AMBRA1: variants seen among roughly 807,000 people sequenced by gnomAD.
AMBRA1 encodes autophagy and beclin 1 regulator 1.
AMBRA1 carries 47 observed loss-of-function variants against 125.4 expected under a neutral mutation model. That is an observed-to-expected ratio of 0.37 (90% CI 0.30 to 0.48). The LOEUF (loss-of-function observed/expected upper bound fraction) is 0.48. AMBRA1 is among the 20% of genes least tolerant of loss of function. AMBRA1 has a pLI of 0.99. For synonymous variants in AMBRA1, 626 were observed against 655.5 expected (o/e 0.95, Z 0.69); for missense variants, 1,331 against 1,693.4 (o/e 0.79, Z 3.76).
At chr11:46,552,600 A>C (rs1364076652) in intron 1 of AMBRA1, among the ~76,000 whole-genome samples, 3 of 149,840 alleles carry the variant, frequency 2.0e-5, no homozygotes, top group African/African-American at 4.9e-5. Context: ...CGGGAGAATC[A>C]CTTGAACCCG....
intron 5 of AMBRA1, among the ~76,000 whole-genome samples, chr11:46,545,234 C>T (rs1183652546): frequency 1.5e-5 from 2 of 133,428 alleles, no homozygotes; most frequent in Admixed American, 8.3e-5. Context: ...CTGAGGTGGG[C>T]GGATCACTTA....
intron 7 of AMBRA1, among the ~76,000 whole-genome samples, chr11:46,513,648 C>T (rs968375597): frequency 5.9e-5 from 9 of 152,146 alleles, no homozygotes; most frequent in African/African-American, 2.2e-4. Context: ...TCCAAAATGC[C>T]TCAAATCTCT....
intron 17 of AMBRA1, among the ~76,000 whole-genome samples, chr11:46,407,995 G>A (rs528686906): frequency 6.6e-6 from 1 of 152,292 alleles, no homozygotes; most frequent in Non-Finnish European, 1.5e-5. Flanking sequence ...AGTCAGGGCC[G>A]AGTGTGGCAG....
intron 7 of AMBRA1, among the ~76,000 whole-genome samples, chr11:46,521,699 G>A (rs926194365): frequency 1.3e-5 from 2 of 152,196 alleles, no homozygotes; most frequent in Admixed American, 6.5e-5. Context: ...GTTATCCAAC[G>A]ATAGGCATTC....
intron 11 of AMBRA1, among the ~76,000 whole-genome samples, chr11:46,449,585 C>T (rs1448050862): frequency 2.0e-5 from 3 of 152,288 alleles, no homozygotes; most frequent in Non-Finnish European, 4.4e-5. Flanking sequence ...AGTACTGTTA[C>T]AATGTCAATT....
chr11:46,540,101 G>A (rs529543909), intron 7 of AMBRA1, among the ~76,000 whole-genome samples: 8 of 152,250 alleles, frequency 5.3e-5, no homozygotes, highest in African/African-American at 1.9e-4. Flanking sequence ...CAAAGTTCTT[G>A]GATGACAGGC....
chr11:46,454,903 G>A (rs1948784958), intron 11 of AMBRA1, among the ~76,000 whole-genome samples: 1 of 143,810 alleles, frequency 7.0e-6, no homozygotes, highest in African/African-American at 2.6e-5. Flanking sequence ...AGATGGAGAT[G>A]GGTTCTTGCT....
chr11:46,518,429 C>CAAAAAAAAAA (rs761919668), intron 7 of AMBRA1: 2 of 58,362 alleles, frequency 3.4e-5, no homozygotes, highest in African/African-American at 4.8e-5. Flanking sequence ...GACTCCGTCT[C>CAAAAAAAAAA]AAAAAAAAAA....
chr11:46,538,090 G>A (rs1222836490), intron 7 of AMBRA1, among the ~76,000 whole-genome samples: 1 of 152,228 alleles, frequency 6.6e-6, no homozygotes, highest in Admixed American at 6.5e-5. Flanking sequence ...GGCAGAGGAA[G>A]AGGCAGACCA....
At chr11:46,577,762 C>G (rs1190186629) in intron 1 of AMBRA1, among the ~76,000 whole-genome samples, 1 of 151,690 alleles carries the variant, frequency 6.6e-6, no homozygotes, top group Admixed American at 6.6e-5. Flanking sequence ...ACCAGCCTGA[C>G]CAATATGGAG....
At chr11:46,509,769 A>G (rs1026834385) in intron 8 of AMBRA1, among the ~76,000 whole-genome samples, 1 of 152,232 alleles carries the variant, frequency 6.6e-6, no homozygotes, top group Non-Finnish European at 1.5e-5. Flanking sequence ...GGAACAACAC[A>G]GCAATCCTAA....
intron 8 of AMBRA1, among the ~76,000 whole-genome samples, chr11:46,511,645 T>C (rs1463188654): frequency 2.0e-5 from 3 of 152,182 alleles, no homozygotes; most frequent in Admixed American, 2.0e-4. Context: ...CCTAATGTGC[T>C]CTAGTATTGC....
At position 46,418,000 on chromosome 11, in the gene AMBRA1, C is replaced by G. The variant is rs1315401786; in HGVS notation, c.3029G>C (p.Ser1010Thr). The G allele has an allele frequency of 2.5e-6, 4 of 1,608,830 alleles. No homozygotes were observed. The Admixed American group carries it at 6.7e-5, about 27-fold the overall frequency. Residue 1010 changes from serine to threonine, a missense_variant, in exon 15 of 18, where the codon AGT becomes ACT. By Grantham distance (58) the Ser-to-Thr change is moderately conservative. Coordinates refer to ENST00000683756, the MANE Select transcript of AMBRA1 (RefSeq NM_001387011.1). ...AGGCAGCCAACGGGCAGAGTTGATA[C>G]TGACATGTCTCCGCTGGTCGGCAGG... ...PMPADQRRHVSINSARWLPEP... is the reference protein window; with the variant it reads ...PMPADQRRHVTINSARWLPEP...
Position 46,570,338 on chromosome 11 carries a change from C to T in AMBRA1, c.-120-21838G>A, listed in dbSNP as rs189516152. ...GGAGCCCATCCCCACTCTAAGTCTC[C>T]TCCATGGAACTATCCTGTGGGCCCA... On this transcript the variant is annotated intron_variant, in intron 1 of 17. Coordinates refer to ENST00000683756, the MANE Select transcript of AMBRA1 (RefSeq NM_001387011.1). Among the ~76,000 whole-genome samples the T allele has an allele frequency of 3.3e-5, 5 of 151,616 alleles. No homozygotes were observed. In the East Asian group the frequency reaches 9.7e-4, roughly 29 times the overall value.
chr11:46,551,182 G>C (rs1200087172), intron 1 of AMBRA1, among the ~76,000 whole-genome samples: 1 of 151,228 alleles, frequency 6.6e-6, no homozygotes, highest in African/African-American at 2.4e-5. Context: ...ATCGAGTAAA[G>C]CTACCTTTGA....
chr11:46,418,203 ATATC>A lies in AMBRA1; in HGVS notation c.2977-155_2977-152del, dbSNP rs773813114. The A allele has an allele frequency of 9.5e-4, 202 of 212,246 alleles. 1 individual carries two copies. The highest frequency in any genetic ancestry group is 1.4e-3 in the Non-Finnish European group (159 of 116,682). The allele number at this position is 212,246 out of a possible 1,614,324, so 13.1% of individuals were successfully genotyped here. On this transcript the variant is annotated intron_variant, in intron 14 of 17. Coordinates refer to ENST00000683756, the MANE Select transcript of AMBRA1 (RefSeq NM_001387011.1). ...GACTCTTTTTTTTTCTTTTTTTTCT[ATATC>A]TATCTATCTATTTTATTATTTATAT...
chr11:46,579,815 T>C (rs928047501), intron 1 of AMBRA1, among the ~76,000 whole-genome samples: 2 of 152,138 alleles, frequency 1.3e-5, no homozygotes, highest in East Asian at 3.9e-4. Flanking sequence ...CCAGTTCAAG[T>C]GATTCTCCTG....
At chr11:46,493,789 G>T (rs1296535336) in intron 10 of AMBRA1, 81 bp from the exon 11 acceptor site, 1 of 1,143,696 alleles carries the variant, frequency 8.7e-7, no homozygotes, top group African/African-American at 1.6e-5. Context: ...GAAAAATCTG[G>T]GCTAAGGGAC....
intron 11 of AMBRA1, among the ~76,000 whole-genome samples, chr11:46,487,781 AC>A (rs1282993701): frequency 1.3e-5 from 2 of 152,198 alleles, no homozygotes; most frequent in African/African-American, 2.4e-5. Flanking sequence ...AATACAAAAA[AC>A]AAACAGTAAA....
Sources: allele counts gnomAD v4.1 joint callset (sites outside exome capture counted in the v4.1 genomes callset), GRCh38; gene constraint gnomAD v4.1.1; transcripts MANE v1.5; gene names NCBI Gene and HGNC (gene_info 2026-07-23, HGNC 2026-07-21).